Variants in CTNND2 observed in about 807,000 individuals in gnomAD.
CTNND2 encodes catenin delta-2.
A neutral mutation model predicts 144.4 loss-of-function variants in CTNND2; 22 were observed. The ratio of observed to expected loss-of-function variants is 0.15; its 90% CI spans 0.11 to 0.22. The LOEUF is 0.22. Ranked by LOEUF, CTNND2 falls within the 10% of genes least tolerant of loss-of-function variation. CTNND2 has a pLI of 1.00. For missense variants in CTNND2, 1,353 were observed against 1,618.8 expected (o/e 0.84, Z 2.82); for synonymous variants, 751 against 695.6 (o/e 1.08, Z -1.25).
chr5:11,746,650 C>T (rs1468320263), intron 1 of CTNND2, among the ~76,000 whole-genome samples: 1 of 152,166 alleles, frequency 6.6e-6, no homozygotes, highest in East Asian at 1.9e-4. Flanking sequence ...ATATATTTTA[C>T]ATTTTACATT....
intron 10 of CTNND2, 78 bp downstream of exon 10, chr5:11,236,613 T>G: frequency 6.8e-7 from 1 of 1,461,236 alleles, no homozygotes; most frequent in Non-Finnish European, 9.4e-7. Flanking sequence ...CTCCTAATTC[T>G]TTTCCCCATC....
intron 18 of CTNND2, among the ~76,000 whole-genome samples, chr5:10,997,364 C>G (rs549587361): frequency 6.6e-6 from 1 of 152,050 alleles, no homozygotes; most frequent in South Asian, 2.1e-4. Flanking sequence ...GAGGCCGAGG[C>G]GGGCAGATCA....
At chr5:11,259,208 A>G (rs1309781122) in intron 9 of CTNND2, among the ~76,000 whole-genome samples, 3 of 152,188 alleles carry the variant, frequency 2.0e-5, no homozygotes, top group Non-Finnish European at 4.4e-5. Flanking sequence ...CAGATTTCAG[A>G]CTTGCTAACT....
chr5:11,237,774 T>A (rs1386690484), intron 9 of CTNND2, among the ~76,000 whole-genome samples: 2 of 152,216 alleles, frequency 1.3e-5, no homozygotes, highest in Admixed American at 6.5e-5. Context: ...CAGAATTGGA[T>A]GAGTCCAATC....
chr5:11,684,949 C>T (rs1049018760), intron 2 of CTNND2, among the ~76,000 whole-genome samples: 4 of 152,176 alleles, frequency 2.6e-5, no homozygotes, highest in Non-Finnish European at 5.9e-5. Flanking sequence ...ATCCTTCTTC[C>T]CTCTACCTGA....
chr5:11,165,427 C>T (rs1021597121), intron 11 of CTNND2, among the ~76,000 whole-genome samples: 1 of 151,976 alleles, frequency 6.6e-6, no homozygotes, highest in African/African-American at 2.4e-5. Context: ...AACAAATTAC[C>T]CTGTTTGTTT....
intron 12 of CTNND2, among the ~76,000 whole-genome samples, chr5:11,154,377 CA>C (rs1192767225): frequency 1.3e-5 from 2 of 152,218 alleles, no homozygotes; most frequent in Admixed American, 6.5e-5. Context: ...TTGGCCGAGA[CA>C]GCCACATCTT....
chr5:11,665,928 T>C (rs116490721), intron 2 of CTNND2, among the ~76,000 whole-genome samples: 597 of 152,292 alleles, frequency 3.9e-3, no homozygotes, highest in Admixed American at 6.9e-3. Context: ...CATCATATTT[T>C]TCCTTGATAA....
chr5:11,207,912 T>G (rs1738221959), intron 10 of CTNND2, among the ~76,000 whole-genome samples: 1 of 152,024 alleles, frequency 6.6e-6, no homozygotes, highest in Non-Finnish European at 1.5e-5. Context: ...AATAAGGAGG[T>G]GAGTCATTTG....
At chr5:11,371,283 G>A (rs778552173) in intron 7 of CTNND2, among the ~76,000 whole-genome samples, 5 of 152,182 alleles carry the variant, frequency 3.3e-5, no homozygotes, top group South Asian at 4.1e-4. Flanking sequence ...AAACTCCAAG[G>A]GGAAAAGGTG....
At chr5:11,380,528 G>T (rs1758371098) in intron 7 of CTNND2, among the ~76,000 whole-genome samples, 1 of 152,144 alleles carries the variant, frequency 6.6e-6, no homozygotes, top group Non-Finnish European at 1.5e-5. Context: ...AGGCAGAGTT[G>T]GCTTTCCACT....
intron 2 of CTNND2, among the ~76,000 whole-genome samples, chr5:11,716,962 G>C (rs1388021339): frequency 6.6e-6 from 1 of 151,820 alleles, no homozygotes; most frequent in East Asian, 2.0e-4. Flanking sequence ...CCGCCTCCCG[G>C]GTTCAAGGGA....
chr5:10,984,258 C>T (rs1737657705), intron 20 of CTNND2, among the ~76,000 whole-genome samples: 1 of 152,176 alleles, frequency 6.6e-6, no homozygotes, highest in Non-Finnish European at 1.5e-5. Context: ...TGGCACAGCA[C>T]CTGGCCTCAG....
In CTNND2 at chr5:11,412,124, A is replaced by G. The variant is rs1761594656; in HGVS notation, c.288-55T>C. Reference sequence around the variant, plus strand: ...GCATTGATTAGAAAAGAAAAATAAAACCCTAAAATCTAAGACACAAAGGCA... The same window carrying G: ...GCATTGATTAGAAAAGAAAAATAAAGCCCTAAAATCTAAGACACAAAGGCA... On this transcript the variant is annotated intron_variant, in intron 3 of 21. Transcript: ENST00000304623. The G allele has an allele frequency of 4.9e-6, 7 of 1,433,468 alleles. No individual in the cohort carries two copies. The African/African-American group carries it at 8.4e-5, about 17-fold the overall frequency. The allele number at this position is 1,433,468 out of a possible 1,614,324, so 88.8% of individuals were successfully genotyped here.
intron 16 of CTNND2, among the ~76,000 whole-genome samples, chr5:11,069,426 T>C (rs1747985422): frequency 6.6e-6 from 1 of 152,104 alleles, no homozygotes; most frequent in Non-Finnish European, 1.5e-5. Context: ...GGTAGGAAAA[T>C]GGCTGCCATG....
At chr5:11,423,477 C>G (rs1035894200) in intron 3 of CTNND2, among the ~76,000 whole-genome samples, 8 of 152,156 alleles carry the variant, frequency 5.3e-5, no homozygotes, top group African/African-American at 1.9e-4. Flanking sequence ...CTTTTGCATT[C>G]AATGTATTTT....
rs1370092318 is a variant in CTNND2, at chr5:11,412,075, A to G, written c.288-6T>C. The G allele has an allele frequency of 1.9e-6, 3 of 1,608,852 alleles. No individual in the cohort carries two copies. The highest frequency in any genetic ancestry group is 2.6e-6 in the Non-Finnish European group (3 of 1,175,484). ...GAAACTGCTCTTCTGCTGAACTGTA[A>G]AAAAGAAAATACAGAGATATAATGC... On this transcript the variant is annotated splice_polypyrimidine_tract_variant and splice_region_variant and intron_variant, in intron 3 of 21. Coordinates refer to ENST00000304623, the MANE Select transcript of CTNND2 (RefSeq NM_001332.4).
chr5:11,674,994 A>G (rs1413998076), intron 2 of CTNND2, among the ~76,000 whole-genome samples: 1 of 152,056 alleles, frequency 6.6e-6, no homozygotes, highest in Non-Finnish European at 1.5e-5. Context: ...ATGTAGTTTT[A>G]TCAGATATTG....
At chr5:11,613,985 T>C (rs1185875725) in intron 2 of CTNND2, among the ~76,000 whole-genome samples, 5 of 152,220 alleles carry the variant, frequency 3.3e-5, no homozygotes, top group Non-Finnish European at 5.9e-5. Flanking sequence ...GTATTTAAAA[T>C]ATACATGCAT....
Sources: gnomAD v4.1 joint callset for allele counts (sites outside exome capture counted in the v4.1 genomes callset) on GRCh38, gnomAD v4.1.1 for gene constraint, MANE v1.5 for transcripts, NCBI Gene and HGNC (gene_info 2026-07-23, HGNC 2026-07-21) for gene names.